Variants in SMG1 observed in about 807,000 individuals in gnomAD.
SMG1 encodes SMG1 nonsense mediated mRNA decay associated PI3K related kinase.
Under a neutral mutation model 419.9 loss-of-function variants are expected in SMG1, and 22 were observed. The observed-to-expected ratio is 0.05, with a 90% CI of 0.04 to 0.07. The LOEUF (loss-of-function observed/expected upper bound fraction) is 0.07, where lower values mean the gene tolerates loss of function less well. SMG1 is among the 10% of genes least tolerant of loss of function. The pLI is 1.00. For missense variants in SMG1, 3,185 were observed against 4,342.0 expected (o/e 0.73, Z 7.49); for synonymous variants, 1,538 against 1,553.5 (o/e 0.99, Z 0.23).
At chr16:18,919,187 G>T (rs2038089674) in intron 1 of SMG1, among the ~76,000 whole-genome samples, 2 of 151,620 alleles carry the variant, frequency 1.3e-5, no homozygotes, top group Admixed American at 1.3e-4. Context: ...ATTAGCCAGG[G>T]GTAGTGGCAC....
intron 1 of SMG1, among the ~76,000 whole-genome samples, chr16:18,924,707 A>G (rs1377381356): frequency 2.0e-5 from 3 of 152,210 alleles, no homozygotes; most frequent in Admixed American, 6.5e-5. Flanking sequence ...CTCAGGCACT[A>G]ATTATTAAAG....
At chr16:18,873,472 T>C (rs1444378916) in intron 13 of SMG1, among the ~76,000 whole-genome samples, 1 of 152,196 alleles carries the variant, frequency 6.6e-6, no homozygotes, top group Non-Finnish European at 1.5e-5. Flanking sequence ...TCTGCCCCCC[T>C]CGGTCTCCCG....
chr16:18,852,702 A>T (rs924385569), intron 31 of SMG1, among the ~76,000 whole-genome samples: 4 of 152,230 alleles, frequency 2.6e-5, no homozygotes, highest in African/African-American at 9.6e-5. Context: ...CCTGTGGAAG[A>T]CATCAATATC....
intron 36 of SMG1, among the ~76,000 whole-genome samples, chr16:18,848,253 G>T (rs911021386): frequency 1.3e-5 from 2 of 151,810 alleles, no homozygotes; most frequent in Admixed American, 6.6e-5. Context: ...ATACAAAGGA[G>T]AAAGATAATG....
intron 6 of SMG1, among the ~76,000 whole-genome samples, chr16:18,888,514 T>C (rs1381973630): frequency 2.0e-5 from 3 of 151,850 alleles, no homozygotes; most frequent in East Asian, 1.9e-4. Flanking sequence ...CTGGCTCTGT[T>C]GCCCAGGCAA....
chr16:18,925,739 C>T (rs1567473028), intron 1 of SMG1: 1 of 439,188 alleles, frequency 2.3e-6, no homozygotes, highest in African/African-American at 2.1e-5. Context: ...GGCTCCAGCC[C>T]CGGGCTGAAC....
At chr16:18,853,547 A>G in intron 31 of SMG1, 36 bp downstream of exon 31, 2 of 1,458,428 alleles carry the variant, frequency 1.4e-6, no homozygotes, top group Non-Finnish European at 1.8e-6. Context: ...TATAGCTTCT[A>G]AAATTAATAT....
At chr16:18,889,869 A>G (rs2036801260) in intron 5 of SMG1, among the ~76,000 whole-genome samples, 1 of 152,254 alleles carries the variant, frequency 6.6e-6, no homozygotes, top group Non-Finnish European at 1.5e-5. Flanking sequence ...ACTGTATTAA[A>G]TAACTCTCAG....
chr16:18,839,188 A>AT (rs1406851542), intron 42 of SMG1, among the ~76,000 whole-genome samples: 1 of 151,906 alleles, frequency 6.6e-6, no homozygotes, highest in African/African-American at 2.4e-5. Context: ...ATTTAAAAAA[A>AT]TTTTTTTCCT....
chr16:18,916,013 G>A (rs1177806632), intron 1 of SMG1, among the ~76,000 whole-genome samples: 1 of 137,668 alleles, frequency 7.3e-6, no homozygotes, highest in Non-Finnish European at 1.5e-5. Flanking sequence ...AGGTTGCAGT[G>A]AGCCGTGATC....
chr16:18,859,508 T>C, intron 27 of SMG1, 48 bp downstream of exon 27: 3 of 935,150 alleles, frequency 3.2e-6, no homozygotes, highest in East Asian at 2.6e-5. Context: ...TGTATGTTTA[T>C]CACATGATAT....
intron 42 of SMG1, among the ~76,000 whole-genome samples, chr16:18,839,308 T>A (rs147022239): frequency 0.013 from 1,960 of 152,238 alleles, 54 homozygotes; most frequent in African/African-American, 0.045. Flanking sequence ...GAACATAGTA[T>A]CCAACAGGTA....
rs1264008398 is a variant in SMG1 at position 18,828,248 on chromosome 16, G to A, written c.9604-80C>T. Reference sequence around the variant, plus strand: ...AATAAGGGAAGGGAGGCGCAACCTAGGACTGGCGGAAGAGAAAAAAATCCC... The same window carrying A: ...AATAAGGGAAGGGAGGCGCAACCTAAGACTGGCGGAAGAGAAAAAAATCCC... On this transcript the variant is annotated intron_variant, in intron 54 of 62. Transcript: ENST00000446231. 1.2e-5 allele frequency: 17 copies of A among 1,400,082 alleles called. No individual in the cohort carries two copies. In the Admixed American group the frequency reaches 3.5e-4, roughly 29 times the overall value. The allele number at this position is 1,400,082 out of a possible 1,614,324, so 86.7% of individuals were successfully genotyped here.
At chr16:18,881,302 G>C (rs2036385766) in intron 10 of SMG1, among the ~76,000 whole-genome samples, 1 of 151,948 alleles carries the variant, frequency 6.6e-6, no homozygotes, top group Non-Finnish European at 1.5e-5. Flanking sequence ...CCACCTTTTA[G>C]ATATTAAAAA....
At chr16:18,814,063 A>AAAAAT (rs911249827) in intron 60 of SMG1, among the ~76,000 whole-genome samples, 2 of 148,194 alleles carry the variant, frequency 1.3e-5, no homozygotes, top group Admixed American at 6.7e-5. Flanking sequence ...TAAATTAAAA[A>AAAAAT]AAAATAAAAT....
Position 18,829,289 on chromosome 16 carries a change from A to C in SMG1, c.9600T>G (p.Phe3200Leu). Residue 3200 changes from phenylalanine to leucine, a missense_variant, in exon 54 of 63, where the codon TTT becomes TTG. By Grantham distance (22) the Phe-to-Leu change is conservative. This residue lies in a region of SMG1 where 737 missense variants were observed against 846.6 expected (regional missense o/e 0.87). Transcript: ENST00000446231. ...CATTATAAACAAAAACACTTACCTG[A>C]AACATGGCAATATGCAGCTGAACCC... is the stretch of plus-strand genomic sequence containing the variant. Reference protein sequence around the residue: ...LQRVQLHIAMFQWQHEDLLIN... With the variant: ...LQRVQLHIAMLQWQHEDLLIN... 1 of 1,608,570 alleles carries C rather than the reference A, an allele frequency of 6.2e-7. No individual in the cohort carries two copies. Among genetic ancestry groups the C allele is most frequent in the Non-Finnish European group, 8.5e-7 (1 of 1,175,746 alleles).
chr16:18,856,666 T>C (rs1379980375), intron 29 of SMG1: 3 of 152,186 alleles, frequency 2.0e-5, no homozygotes, highest in Non-Finnish European at 2.9e-5. Context: ...TAAATTCTTC[T>C]AGCAGAGACA....
intron 1 of SMG1, among the ~76,000 whole-genome samples, chr16:18,921,921 T>A (rs2038214737): frequency 6.6e-6 from 1 of 152,210 alleles, no homozygotes; most frequent in African/African-American, 2.4e-5. Flanking sequence ...TTTCATCCTT[T>A]TAGAAGTATA....
Position 18,833,044 on chromosome 16 carries a change from A to G in SMG1, c.8688T>C (p.Asp2896=), listed in dbSNP as rs370169101. ...ELDGLIEQTT[D]GVPLQTLVES... ...CCACTAGAGTCTGCAGGGGAACGCC[A>G]TCGGTGGTCTGCTCAATAAGACCGT... Residue 2896 remains aspartate, a synonymous_variant, in exon 51 of 63, where the codon GAT becomes GAC. Coordinates refer to ENST00000446231, the MANE Select transcript of SMG1 (RefSeq NM_015092.5). The G allele has an allele frequency of 6.7e-5, 108 of 1,613,884 alleles. No individual in the cohort carries two copies. Among genetic ancestry groups the G allele is most frequent in the Non-Finnish European group, 8.7e-5 (103 of 1,179,894 alleles).
Sources: allele counts gnomAD v4.1 joint callset (sites outside exome capture counted in the v4.1 genomes callset), GRCh38; gene constraint gnomAD v4.1.1; regional missense constraint gnomAD v4.1.1; transcripts MANE v1.5; gene names NCBI Gene and HGNC (gene_info 2026-07-23, HGNC 2026-07-21).